The following TMTC2 variants were observed in gnomAD, a reference collection of about 807,000 sequenced individuals.
The protein encoded by TMTC2 is protein O-mannosyl-transferase TMTC2.
Under a neutral mutation model 82.4 loss-of-function variants are expected in TMTC2, and 43 were observed. The observed-to-expected ratio is 0.52, with a 90% CI of 0.41 to 0.67. The LOEUF is 0.67. Ranked by LOEUF, TMTC2 falls within the 30% of genes least tolerant of loss-of-function variation. The pLI is 0.00. For synonymous variants in TMTC2, 408 were observed against 381.9 expected (o/e 1.07, Z -0.80); for missense variants, 919 against 1,012.4 (o/e 0.91, Z 1.25).
chr12:82,965,868 C>G, intron 6 of TMTC2, 124 bp downstream of exon 6: 2 of 1,001,526 alleles, frequency 2.0e-6, no homozygotes, highest in South Asian at 1.5e-5. Flanking sequence ...ACACGTTAAA[C>G]TATTGTCCTT....
chr12:82,852,509 C>T (rs1871034489), intron 1 of TMTC2, among the ~76,000 whole-genome samples: 1 of 152,150 alleles, frequency 6.6e-6, no homozygotes, highest in African/African-American at 2.4e-5. Flanking sequence ...CTCTGAGTTC[C>T]TCCACCTTTC....
chr12:82,879,430 A>T (rs939157020), intron 2 of TMTC2, among the ~76,000 whole-genome samples: 3 of 152,194 alleles, frequency 2.0e-5, no homozygotes, highest in Admixed American at 1.3e-4. Flanking sequence ...TGTGCAGTTC[A>T]CAATAGGGTT....
intron 4 of TMTC2, among the ~76,000 whole-genome samples, chr12:82,934,491 G>C (rs1348476952): frequency 6.6e-6 from 1 of 151,482 alleles, no homozygotes; most frequent in African/African-American, 2.4e-5. Context: ...TTGGTTTTCT[G>C]TTCCTGTGTT....
chr12:83,065,613 A>G (rs1882891356), intron 11 of TMTC2, among the ~76,000 whole-genome samples: 1 of 151,894 alleles, frequency 6.6e-6, no homozygotes, highest in Non-Finnish European at 1.5e-5. Context: ...CGAAATTGCC[A>G]TTTTAAGTTT....
chr12:83,094,680 A>G lies in TMTC2; in HGVS notation c.2331+32849A>G, dbSNP rs112524035. On this transcript the variant is annotated intron_variant, in intron 11 of 11. Transcript: ENST00000321196. ...GGAGGGAAGAAAAGGTATATTTGAA[A>G]AGTATTTAGGAGATAAAGTGGAGAT... Among the ~76,000 whole-genome samples, 1,144 of 152,302 alleles carry G rather than the reference A, an allele frequency of 7.5e-3. 9 individuals are homozygous for G. Among genetic ancestry groups the G allele is most frequent in the African/African-American group, 0.026 (1,072 of 41,558 alleles).
intron 1 of TMTC2, among the ~76,000 whole-genome samples, chr12:82,721,762 G>A (rs1874217652): frequency 1.3e-5 from 2 of 152,148 alleles, no homozygotes; most frequent in South Asian, 4.1e-4. Flanking sequence ...AAATTTCTGA[G>A]ATTTCTTTAA....
chr12:82,793,755 C>G (rs1246751305), intron 1 of TMTC2, among the ~76,000 whole-genome samples: 1 of 152,104 alleles, frequency 6.6e-6, no homozygotes, highest in African/African-American at 2.4e-5. Flanking sequence ...TAGCATCTTT[C>G]AAACCCTAAT....
Position 82,910,891 on chromosome 12 carries a change from T to TA in TMTC2, c.1483+14246dup, listed in dbSNP as rs1210174511. On this transcript the variant is annotated intron_variant, in intron 3 of 11. Transcript: ENST00000321196. Reference sequence around the variant, plus strand: ...GTTGTTTTTTTCTTTTTTTTTTTTTTAGAGACAGAGGCAGAGTCTCGCTCT... The same window carrying TA: ...GTTGTTTTTTTCTTTTTTTTTTTTTTAAGAGACAGAGGCAGAGTCTCGCTCT... Among the ~76,000 whole-genome samples the TA allele has an allele frequency of 8.6e-5, 13 of 151,410 alleles. No homozygotes were observed. In the East Asian group the frequency reaches 9.7e-4, roughly 11 times the overall value.
chr12:83,007,233 T>A (rs1184353680), intron 8 of TMTC2, among the ~76,000 whole-genome samples: 1 of 152,146 alleles, frequency 6.6e-6, no homozygotes, highest in Admixed American at 6.5e-5. Flanking sequence ...TCTGCTGACT[T>A]TGGACTTAGT....
At chr12:83,097,583 T>C (rs1884072500) in intron 11 of TMTC2, among the ~76,000 whole-genome samples, 1 of 152,188 alleles carries the variant, frequency 6.6e-6, no homozygotes, top group African/African-American at 2.4e-5. Flanking sequence ...AAAAAGTAAG[T>C]ACAGTCCCTT....
At chr12:82,741,394 TC>T in intron 1 of TMTC2, among the ~76,000 whole-genome samples, 1 of 152,270 alleles carries the variant, frequency 6.6e-6, no homozygotes, top group African/African-American at 2.4e-5. Flanking sequence ...CAGTGCAACC[TC>T]CACCTCCCAG....
chr12:83,020,974 T>G (rs1880891467), intron 8 of TMTC2, among the ~76,000 whole-genome samples: 1 of 152,210 alleles, frequency 6.6e-6, no homozygotes, highest in Non-Finnish European at 1.5e-5. Context: ...TCAGTTTGAA[T>G]TATAAGAATC....
intron 1 of TMTC2, among the ~76,000 whole-genome samples, chr12:82,790,175 T>TAAA (rs368323390): frequency 3.8e-4 from 52 of 136,366 alleles, no homozygotes; most frequent in African/African-American, 9.0e-4. Context: ...CCTTGTCTCT[T>TAAA]AAAAAAAAAA....
At chr12:83,021,471 T>C (rs547536825) in intron 8 of TMTC2, among the ~76,000 whole-genome samples, 1 of 152,256 alleles carries the variant, frequency 6.6e-6, no homozygotes, top group East Asian at 1.9e-4. Flanking sequence ...GGTGTGCACC[T>C]GTAGTCCAAG....
intron 11 of TMTC2, among the ~76,000 whole-genome samples, chr12:83,106,350 T>C (rs978318717): frequency 2.0e-5 from 3 of 151,790 alleles, no homozygotes; most frequent in African/African-American, 7.3e-5. Context: ...AAATACAAAA[T>C]TGGCTGGGCG....
At chr12:82,807,817 G>A (rs10862511) in intron 1 of TMTC2, among the ~76,000 whole-genome samples, 29,292 of 151,880 alleles carry the variant, frequency 0.19, 3,166 homozygotes, top group Middle Eastern at 0.35. Context: ...TTTAGACTGG[G>A]AAGTAATAGT....
chr12:83,067,643 T>C (rs1180290712), intron 11 of TMTC2, among the ~76,000 whole-genome samples: 1 of 151,972 alleles, frequency 6.6e-6, no homozygotes, highest in East Asian at 1.9e-4. Flanking sequence ...GGATAGAATT[T>C]TATGTTAAAG....
intron 8 of TMTC2, among the ~76,000 whole-genome samples, chr12:83,014,323 C>T (rs1036275298): frequency 6.6e-6 from 1 of 152,008 alleles, no homozygotes; most frequent in Non-Finnish European, 1.5e-5. Flanking sequence ...CCACCACGCC[C>T]AGCTAATTTT....
intron 4 of TMTC2, among the ~76,000 whole-genome samples, chr12:82,931,751 G>A (rs10746261): frequency 0.66 from 100,403 of 152,026 alleles, 34,875 homozygotes; most frequent in South Asian, 0.82. Flanking sequence ...TGATTCCTGT[G>A]TCTTTATAAA....
Sources: allele counts gnomAD v4.1 joint callset (sites outside exome capture counted in the v4.1 genomes callset), GRCh38; gene constraint gnomAD v4.1.1; transcripts MANE v1.5; gene names NCBI Gene and HGNC (gene_info 2026-07-23, HGNC 2026-07-21).